Variants in ZSCAN25 observed in about 807,000 individuals in gnomAD.
ZSCAN25 encodes the protein zinc finger and SCAN domain-containing protein 25.
A neutral mutation model predicts 38.7 loss-of-function variants in ZSCAN25; 27 were observed. The ratio of observed to expected loss-of-function variants is 0.70; its 90% CI spans 0.51 to 0.96. ZSCAN25 has a LOEUF of 0.96. ZSCAN25 is among the 40% of genes least tolerant of loss of function. The pLI is 0.00. For missense variants in ZSCAN25, 637 were observed against 705.9 expected (o/e 0.90, Z 1.11); for synonymous variants, 273 against 277.7 (o/e 0.98, Z 0.17).
chr7:99,630,660 G>A lies in ZSCAN25; in HGVS notation c.*640G>A. The A allele has an allele frequency of 1.0e-5, 10 of 985,600 alleles. No homozygotes were observed. The highest frequency in any genetic ancestry group is 1.7e-5 in the African/African-American group (1 of 57,328). 61.1% of individuals were successfully genotyped at this position (985,600 alleles called of 1,614,324 possible). A position where few individuals can be genotyped will look rare whatever the true frequency, so the allele number is the denominator to read the frequency against. On this transcript the variant is annotated 3_prime_UTR_variant, in exon 8 of 8. Transcript: ENST00000394152. ...CGTGCTGGATCTTCCCTCCCCAGCTGGGATCTGCTCCCAGGCAACTGTGTG... is the reference window on the plus strand; with the variant it reads ...CGTGCTGGATCTTCCCTCCCCAGCTAGGATCTGCTCCCAGGCAACTGTGTG...
the ZSCAN25 span, chr7:99,709,348 AG>A: frequency 4.5e-6 from 7 of 1,543,272 alleles, no homozygotes; most frequent in Non-Finnish European, 6.2e-6. Context: ...AACTGTTAGA[AG>A]TTCCAGAGAA....
At chr7:99,708,004 G>T in the ZSCAN25 span, 2 of 1,613,478 alleles carry the variant, frequency 1.2e-6, no homozygotes, top group Non-Finnish European at 1.7e-6. Flanking sequence ...TATTTTAAAA[G>T]TTAAAGACAT....
the ZSCAN25 span, among the ~76,000 whole-genome samples, chr7:99,709,923 T>A: frequency 6.6e-6 from 1 of 152,170 alleles, no homozygotes; most frequent in Admixed American, 6.5e-5. Context: ...ATCCCAAATA[T>A]GACAAAAGAA....
the ZSCAN25 span, chr7:99,648,014 A>T: frequency 1.0e-6 from 1 of 985,462 alleles, no homozygotes; most frequent in Non-Finnish European, 1.2e-6. Flanking sequence ...ATGAGAGCTC[A>T]GGAGGAGTTG....
the ZSCAN25 span, among the ~76,000 whole-genome samples, chr7:99,658,316 T>G: frequency 1.5e-4 from 23 of 152,266 alleles, no homozygotes; most frequent in South Asian, 1.2e-3. Context: ...GTCTGTAAAG[T>G]ATTTTATTTC....
chr7:99,694,684 C>A, the ZSCAN25 span, among the ~76,000 whole-genome samples: 1 of 152,138 alleles, frequency 6.6e-6, no homozygotes, highest in African/African-American at 2.4e-5. Context: ...AGTAATTAGA[C>A]AACAAAACCC....
chr7:99,652,532 C>T, the ZSCAN25 span: 2 of 1,565,478 alleles, frequency 1.3e-6, no homozygotes, highest in Non-Finnish European at 1.7e-6. Flanking sequence ...GGGTGAGCTC[C>T]ATTTCCCTGG....
rs189422284 is a variant in ZSCAN25 at position 99,622,557 on chromosome 7, G to C, written c.598G>C (p.Val200Leu). ...TRAFQEQALPVLQAGPGLPAV... is the reference protein window; with the variant it reads ...TRAFQEQALPLLQAGPGLPAV... ...TTTTTGTCCCTGCTCAGCACTACCT[G>C]TTCTGCAGGCGGGTCCTGGCCTCCC... is the stretch of plus-strand genomic sequence containing the variant. The change falls in exon 6 of 8, where the codon GTT becomes CTT. Residue 200 changes from valine (V) to leucine (L), a missense_variant. Physicochemically the swap from Val to Leu is conservative, Grantham distance 32. Coordinates refer to ENST00000394152, the MANE Select transcript of ZSCAN25 (RefSeq NM_145115.3). 1.2e-6 allele frequency: 2 copies of C among 1,614,198 alleles called. No individual in the cohort carries two copies. Among genetic ancestry groups the C allele is most frequent in the East Asian group, 4.5e-5 (2 of 44,886 alleles).
chr7:99,657,351 A>C, the ZSCAN25 span, among the ~76,000 whole-genome samples: 1 of 152,178 alleles, frequency 6.6e-6, no homozygotes, highest in South Asian at 2.1e-4. Context: ...CCCAGTAGTC[A>C]TTCAGGAGCA....
the ZSCAN25 span, among the ~76,000 whole-genome samples, chr7:99,640,471 A>G: frequency 6.6e-6 from 1 of 152,120 alleles, no homozygotes; most frequent in Non-Finnish European, 1.5e-5. Context: ...CCCTTATTTT[A>G]ATGAATGATA....
At chr7:99,624,697 G>T (rs1807314350) in intron 7 of ZSCAN25, among the ~76,000 whole-genome samples, 1 of 152,198 alleles carries the variant, frequency 6.6e-6, no homozygotes, top group Non-Finnish European at 1.5e-5. Flanking sequence ...AGGAAGCAGA[G>T]CTGCGCTGGG....
chr7:99,630,826 T>C lies in ZSCAN25; in HGVS notation c.*806T>C. On this transcript the variant is annotated 3_prime_UTR_variant, in exon 8 of 8. Coordinates refer to ENST00000394152, the MANE Select transcript of ZSCAN25 (RefSeq NM_145115.3). ...TAGGAAGTTAGTATTTTGCTATTGA[T>C]CACTGAATAAACATCAGAGTATTTT... The C allele has an allele frequency of 1.0e-6, 1 of 985,410 alleles. No homozygotes were observed. Among genetic ancestry groups the C allele is most frequent in the Non-Finnish European group, 1.2e-6 (1 of 829,894 alleles). 61.0% of individuals were successfully genotyped at this position (985,410 alleles called of 1,614,324 possible).
At chr7:99,649,685 G>A in the ZSCAN25 span, among the ~76,000 whole-genome samples, 1 of 152,214 alleles carries the variant, frequency 6.6e-6, no homozygotes, top group African/African-American at 2.4e-5. Flanking sequence ...TATACAGCTA[G>A]TGGTTGAGAA....
At chr7:99,662,934 A>G in the ZSCAN25 span, 1 of 1,608,732 alleles carries the variant, frequency 6.2e-7, no homozygotes, top group Non-Finnish European at 8.5e-7. This position sits in a 1 kb window ranked among gnomAD's most constrained non-coding sequence, Gnocchi z 4.3. Context: ...GTGAAGTCAG[A>G]AGTAAATCAA....
chr7:99,726,816 G>A, the ZSCAN25 span, among the ~76,000 whole-genome samples: 6 of 152,090 alleles, frequency 3.9e-5, no homozygotes, highest in Non-Finnish European at 7.4e-5. Flanking sequence ...AGGATATCGG[G>A]TATCCCCCTC....
chr7:99,629,900 G>A lies in ZSCAN25; in HGVS notation c.1515G>A (p.Gln505=). The change falls in exon 8 of 8, where the codon CAG becomes CAA. Residue 505 remains glutamine, a synonymous_variant. Coordinates refer to ENST00000394152, the MANE Select transcript of ZSCAN25 (RefSeq NM_145115.3). This position sits in a 1 kb window ranked among gnomAD's most constrained non-coding sequence, Gnocchi z 5.6. ...AAGGGGAGCGGCTGGTCCGACACCA[G>A]AGAATCCATACAGGGGAGAAGCCCT... ...FSKGERLVRH[Q]RIHTGEKPYH... 1 of 1,614,226 alleles carries A rather than the reference G, an allele frequency of 6.2e-7. No individual in the cohort carries two copies. Among genetic ancestry groups the A allele is most frequent in the Non-Finnish European group, 8.5e-7 (1 of 1,180,032 alleles).
the ZSCAN25 span, among the ~76,000 whole-genome samples, chr7:99,722,888 G>A: frequency 2.6e-5 from 4 of 152,184 alleles, no homozygotes; most frequent in South Asian, 6.2e-4. Flanking sequence ...TGTTGAGTGA[G>A]AAAATGAGTG....
the ZSCAN25 span, among the ~76,000 whole-genome samples, chr7:99,708,162 C>G: frequency 2.0e-5 from 3 of 152,166 alleles, no homozygotes; most frequent in African/African-American, 7.2e-5. Context: ...CCTTTCTACT[C>G]TCCTTACATT....
chr7:99,645,430 G>T, the ZSCAN25 span, among the ~76,000 whole-genome samples: 1 of 152,128 alleles, frequency 6.6e-6, no homozygotes, highest in Admixed American at 6.5e-5. Context: ...ACATATGTGT[G>T]CATGTGTCTT....
Sources: allele counts gnomAD v4.1 joint callset (sites outside exome capture counted in the v4.1 genomes callset), GRCh38; gene constraint gnomAD v4.1.1; non-coding constraint Gnocchi (gnomAD v3.1); transcripts MANE v1.5; gene names NCBI Gene and HGNC (gene_info 2026-07-23, HGNC 2026-07-21).